NELL1: variants seen among roughly 807,000 people sequenced by gnomAD.
NELL1 encodes neural EGFL like 1, also known as protein kinase C-binding protein NELL1.
Under a neutral mutation model 107.4 loss-of-function variants are expected in NELL1, and 76 were observed. The ratio of observed to expected loss-of-function variants is 0.71; its 90% CI spans 0.59 to 0.86. The LOEUF (loss-of-function observed/expected upper bound fraction) is 0.86. Ranked by LOEUF, NELL1 falls within the 40% of genes least tolerant of loss-of-function variation. The pLI is 0.00. For synonymous variants in NELL1, 353 were observed against 341.2 expected, an observed-to-expected ratio of 1.03 and a Z score of -0.38; for missense variants, 1,024 against 1,005.5, an observed-to-expected ratio of 1.02 and a Z score of -0.25.
rs1028381158 is a variant in NELL1 at position 21,028,295 on chromosome 11, T to C, written c.1300+67735T>C. On this transcript the variant is annotated intron_variant, in intron 12 of 19. Coordinates refer to ENST00000357134, the MANE Select transcript of NELL1 (RefSeq NM_006157.5). Reference sequence around the variant, plus strand: ...GGTGATTCTAACATGCAGCCAGGATTGAGAACCTCTGCTTTAAGCCACCTC... The same window carrying C: ...GGTGATTCTAACATGCAGCCAGGATCGAGAACCTCTGCTTTAAGCCACCTC... 2.0e-5 allele frequency among the ~76,000 whole-genome samples: 3 copies of C among 152,090 alleles called. No homozygotes were observed. The South Asian group carries it at 6.2e-4, about 32-fold the overall frequency.
At chr11:21,414,483 T>C (rs1406377739) in intron 15 of NELL1, among the ~76,000 whole-genome samples, 1 of 152,050 alleles carries the variant, frequency 6.6e-6, no homozygotes, top group African/African-American at 2.4e-5. Context: ...CATTGACTTG[T>C]GGGCATTCCT....
At chr11:21,345,195 C>A (rs11026036) in intron 14 of NELL1, among the ~76,000 whole-genome samples, 59,885 of 151,866 alleles carry the variant, frequency 0.39, 11,902 homozygotes, top group African/African-American at 0.47. Flanking sequence ...GCCTCTTCTG[C>A]AAAGGAAGAT....
chr11:21,472,671 A>G (rs963986423), intron 15 of NELL1, among the ~76,000 whole-genome samples: 2 of 152,002 alleles, frequency 1.3e-5, no homozygotes, highest in African/African-American at 2.4e-5. Flanking sequence ...AAAAAACTAC[A>G]TACTTATTTT....
At chr11:21,079,795 A>G (rs115469110) in intron 12 of NELL1, among the ~76,000 whole-genome samples, 1,881 of 152,198 alleles carry the variant, frequency 0.012, 36 homozygotes, top group African/African-American at 0.043. Flanking sequence ...AGCACTGCCT[A>G]GAACAGAAGG....
chr11:21,058,460 C>T (rs1853662601), intron 12 of NELL1, among the ~76,000 whole-genome samples: 1 of 152,084 alleles, frequency 6.6e-6, no homozygotes, highest in Admixed American at 6.6e-5. Flanking sequence ...TTAGTAAGCA[C>T]ACTTAATGTC....
At chr11:20,948,314 AGGTGTT>A (rs1053104955) in intron 11 of NELL1, among the ~76,000 whole-genome samples, 2 of 151,842 alleles carry the variant, frequency 1.3e-5, no homozygotes, top group African/African-American at 4.8e-5. Context: ...TGGCCTCCCA[AGGTGTT>A]GGGAGTACAG....
chr11:20,695,411 AC>A (rs1854588901), intron 2 of NELL1, among the ~76,000 whole-genome samples: 1 of 152,184 alleles, frequency 6.6e-6, no homozygotes, highest in East Asian at 1.9e-4. Flanking sequence ...CCTGTCCAAT[AC>A]GATGGTGGCT....
At chr11:21,266,291 G>C (rs1848633451) in intron 14 of NELL1, among the ~76,000 whole-genome samples, 1 of 151,798 alleles carries the variant, frequency 6.6e-6, no homozygotes, top group Non-Finnish European at 1.5e-5. Context: ...ATGTTCACTT[G>C]TGTGTTGCTT....
intron 2 of NELL1, among the ~76,000 whole-genome samples, chr11:20,759,402 A>G (rs1028273472): frequency 2.1e-4 from 32 of 152,216 alleles, no homozygotes; most frequent in African/African-American, 7.7e-4. Flanking sequence ...AATGCTGCTA[A>G]TGGTTTGTTG....
At chr11:20,884,133 G>A (rs1488451122) in intron 4 of NELL1, among the ~76,000 whole-genome samples, 1 of 152,208 alleles carries the variant, frequency 6.6e-6, no homozygotes, top group Admixed American at 6.5e-5. Context: ...GAAACAGCAG[G>A]TTTCCAGTGG....
At chr11:20,916,534 T>C (rs992711938) in intron 5 of NELL1, among the ~76,000 whole-genome samples, 3 of 151,898 alleles carry the variant, frequency 2.0e-5, no homozygotes, top group African/African-American at 7.2e-5. Flanking sequence ...TTTCCATGGA[T>C]GATAAAAATA....
intron 14 of NELL1, among the ~76,000 whole-genome samples, chr11:21,301,483 C>T (rs532522295): frequency 6.6e-6 from 1 of 152,280 alleles, no homozygotes; most frequent in African/African-American, 2.4e-5. Flanking sequence ...ATTTTCATTT[C>T]TCTGATGACC....
intron 12 of NELL1, among the ~76,000 whole-genome samples, chr11:20,967,782 A>C (rs371465514): frequency 5.9e-5 from 9 of 152,302 alleles, no homozygotes; most frequent in African/African-American, 2.2e-4. Context: ...AAGTGTAAGC[A>C]GATTATGCTA....
chr11:21,445,816 A>G (rs999013306), intron 15 of NELL1, among the ~76,000 whole-genome samples: 3 of 152,336 alleles, frequency 2.0e-5, no homozygotes, highest in Admixed American at 6.5e-5. Context: ...TTTGCAGGAT[A>G]TACTATTCTA....
In NELL1 at chr11:21,560,389, C is replaced by A. The variant is rs767976458; in HGVS notation, c.1980+7C>A. 1 of 1,556,714 alleles carries A rather than the reference C, an allele frequency of 6.4e-7. No individual in the cohort carries two copies. The highest frequency in any genetic ancestry group is 8.7e-7 in the Non-Finnish European group (1 of 1,154,088). Reference sequence around the variant, plus strand: ...TTCTGTCTGCTCCTGCAAGGTGAGGCTGATGTGGTGCAGCAGAAATTGAAA... The same window carrying A: ...TTCTGTCTGCTCCTGCAAGGTGAGGATGATGTGGTGCAGCAGAAATTGAAA... On this transcript the variant is annotated splice_region_variant and intron_variant, in intron 17 of 19. Transcript: ENST00000357134.
chr11:21,194,936 A>G (rs532992348), intron 13 of NELL1, among the ~76,000 whole-genome samples: 2 of 152,252 alleles, frequency 1.3e-5, no homozygotes, highest in South Asian at 4.1e-4. Context: ...ATCCCAGCCA[A>G]CAATTTTTGT....
At chr11:21,564,888 A>G (rs1378121271) in intron 17 of NELL1, among the ~76,000 whole-genome samples, 2 of 151,936 alleles carry the variant, frequency 1.3e-5, no homozygotes, top group African/African-American at 4.8e-5. Flanking sequence ...ATTCCCAGAA[A>G]CTGAAGATGG....
chr11:21,284,630 CA>C (rs1849074876), intron 14 of NELL1: 9 of 416,688 alleles, frequency 2.2e-5, no homozygotes, highest in South Asian at 1.6e-4. Flanking sequence ...ATGTTATCAA[CA>C]GTGTCTGCAC....
At chr11:21,292,290 A>G (rs113812168) in intron 14 of NELL1, among the ~76,000 whole-genome samples, 290 of 152,342 alleles carry the variant, frequency 1.9e-3, no homozygotes, top group African/African-American at 6.5e-3. Flanking sequence ...CCAGTAATAG[A>G]CAAACAGTGC....
Sources: allele counts gnomAD v4.1 joint callset (sites outside exome capture counted in the v4.1 genomes callset), GRCh38; gene constraint gnomAD v4.1.1; transcripts MANE v1.5; gene names NCBI Gene and HGNC (gene_info 2026-07-23, HGNC 2026-07-21).